The following CYTH1 variants were observed in gnomAD, a reference collection of about 807,000 sequenced individuals.
The protein encoded by CYTH1 is cytohesin 1.
In CYTH1, 18 loss-of-function variants were observed where a neutral mutation model predicts 61.8. The observed-to-expected ratio is 0.29, with a 90% CI of 0.20 to 0.43. The LOEUF (loss-of-function observed/expected upper bound fraction) is 0.43, where lower values mean the gene tolerates loss of function less well. CYTH1 is among the 20% of genes least tolerant of loss of function. The pLI is 1.00. For missense variants in CYTH1, 336 were observed against 510.5 expected, an observed-to-expected ratio of 0.66 and a Z score of 3.29; for synonymous variants, 174 against 184.3, an observed-to-expected ratio of 0.94 and a Z score of 0.45.
At chr17:78,744,501 G>A (rs1423568361) in intron 1 of CYTH1, among the ~76,000 whole-genome samples, 3 of 152,186 alleles carry the variant, frequency 2.0e-5, no homozygotes, top group Non-Finnish European at 4.4e-5. Flanking sequence ...ACAAAGACTT[G>A]TCCAGCCTCT....
intron 11 of CYTH1, among the ~76,000 whole-genome samples, chr17:78,690,256 G>A (rs1316412071): frequency 2.0e-5 from 3 of 151,362 alleles, no homozygotes; most frequent in East Asian, 1.9e-4. Context: ...TTAGCTGGGC[G>A]TGGCAGCAGC....
At chr17:78,738,579 C>T (rs2093330260) in intron 1 of CYTH1, among the ~76,000 whole-genome samples, 1 of 151,926 alleles carries the variant, frequency 6.6e-6, no homozygotes, top group Non-Finnish European at 1.5e-5. Flanking sequence ...ATCACATTCT[C>T]TTCTTTCTTG....
intron 1 of CYTH1, among the ~76,000 whole-genome samples, chr17:78,760,517 G>A (rs55740124): frequency 0.023 from 684 of 29,578 alleles, 62 homozygotes; most frequent in African/African-American, 0.078. Context: ...GTATATATAT[G>A]TATATATATA....
chr17:78,676,080 T>G lies in CYTH1; in HGVS notation c.*11A>C, dbSNP rs1402477547. On this transcript the variant is annotated 3_prime_UTR_variant, in exon 14 of 14. Transcript: ENST00000446868. Reference sequence around the variant, plus strand: ...CAAGGCCCCCGCAGACCAACGCCCTTGGCTGCACGCTCAGTGTCGCTTCGT... The same window carrying G: ...CAAGGCCCCCGCAGACCAACGCCCTGGGCTGCACGCTCAGTGTCGCTTCGT... 7 of 1,603,100 alleles carry G rather than the reference T, an allele frequency of 4.4e-6. No individual in the cohort carries two copies. Among genetic ancestry groups the G allele is most frequent in the Non-Finnish European group, 6.0e-6 (7 of 1,175,040 alleles).
At chr17:78,687,970 T>A (rs528774646) in intron 11 of CYTH1, among the ~76,000 whole-genome samples, 108 of 152,352 alleles carry the variant, frequency 7.1e-4, no homozygotes, top group Non-Finnish European at 9.1e-4. Context: ...GTGTGTGCTC[T>A]GCGTCCATCT....
At chr17:78,694,413 T>C (rs1360514790) in intron 10 of CYTH1, among the ~76,000 whole-genome samples, 1 of 152,130 alleles carries the variant, frequency 6.6e-6, no homozygotes, top group African/African-American at 2.4e-5. Flanking sequence ...TTAGATGGCA[T>C]GAATTAAGAG....
At chr17:78,774,956 C>A (rs560025353) in intron 1 of CYTH1, among the ~76,000 whole-genome samples, 14 of 152,368 alleles carry the variant, frequency 9.2e-5, no homozygotes, top group African/African-American at 3.4e-4. Context: ...CCAGGGCATT[C>A]GGCATGGGAA....
At chr17:78,688,453 T>A (rs1322936305) in intron 11 of CYTH1, among the ~76,000 whole-genome samples, 2 of 152,224 alleles carry the variant, frequency 1.3e-5, no homozygotes, top group East Asian at 3.8e-4. Context: ...TGCCTCAATA[T>A]CTGCTGCTGT....
intron 1 of CYTH1, among the ~76,000 whole-genome samples, chr17:78,750,218 ATAC>A (rs1327593870): frequency 6.6e-6 from 1 of 152,250 alleles, no homozygotes; most frequent in African/African-American, 2.4e-5. Context: ...AGAATAAACC[ATAC>A]TACTAATGAA....
intron 1 of CYTH1, among the ~76,000 whole-genome samples, chr17:78,771,884 C>T (rs189631116): frequency 9.6e-4 from 146 of 152,218 alleles, no homozygotes; most frequent in African/African-American, 3.4e-3. Context: ...TACAATGTCA[C>T]GCTATCCTGG....
intron 1 of CYTH1, among the ~76,000 whole-genome samples, chr17:78,771,431 C>A (rs1325697187): frequency 6.6e-6 from 1 of 151,898 alleles, no homozygotes. Context: ...CACAGCAAGA[C>A]TGTCTCAAAG....
intron 13 of CYTH1, 121 bp from the exon 14 acceptor site, chr17:78,676,290 C>T: frequency 1.1e-6 from 1 of 889,836 alleles, no homozygotes; most frequent in Non-Finnish European, 1.7e-6. Flanking sequence ...CCCACCATCA[C>T]TGCAAAGGCC....
intron 3 of CYTH1, 132 bp downstream of exon 3, chr17:78,708,065 G>A: frequency 3.6e-6 from 3 of 835,390 alleles, no homozygotes; most frequent in Non-Finnish European, 6.0e-6. Flanking sequence ...TTATGGGTGT[G>A]TATGTGCTTG....
At chr17:78,764,569 C>T (rs2093440945) in intron 1 of CYTH1, among the ~76,000 whole-genome samples, 1 of 152,168 alleles carries the variant, frequency 6.6e-6, no homozygotes, top group South Asian at 2.1e-4. Context: ...TGGTTATCAA[C>T]ATAAGCAGTT....
intron 5 of CYTH1, 39 bp from the exon 6 acceptor site, chr17:78,701,790 G>A: frequency 6.3e-7 from 1 of 1,597,322 alleles, no homozygotes; most frequent in Non-Finnish European, 8.6e-7. Flanking sequence ...GAAAGCAGGA[G>A]TCAGGCACCA....
At chr17:78,773,469 A>C (rs2093479468) in intron 1 of CYTH1, among the ~76,000 whole-genome samples, 1 of 152,000 alleles carries the variant, frequency 6.6e-6, no homozygotes, top group Non-Finnish European at 1.5e-5. Context: ...ATCTCTACTA[A>C]AAATACAAAA....
chr17:78,768,245 T>C (rs2093456871), intron 1 of CYTH1, among the ~76,000 whole-genome samples: 1 of 152,132 alleles, frequency 6.6e-6, no homozygotes, highest in African/African-American at 2.4e-5. Context: ...GCCTTCAAAG[T>C]TTCCCTTTCA....
rs369098247 is a variant in CYTH1 at position 78,762,923 on chromosome 17, A to C, written c.22+19279T>G. On this transcript the variant is annotated intron_variant, in intron 1 of 13. Transcript: ENST00000446868. ...GACCCATTCCAGACTTCTGGCCTCC[A>C]AACTGTAAGATAATAATGTATATTG... Among the ~76,000 whole-genome samples the C allele has an allele frequency of 3.9e-5, 6 of 152,218 alleles. No individual in the cohort carries two copies. In the South Asian group the frequency reaches 1.2e-3, roughly 32 times the overall value.
chr17:78,760,432 CATATATATATGTATATAT>C (rs1567879257), intron 1 of CYTH1, among the ~76,000 whole-genome samples: 1 of 41,148 alleles, frequency 2.4e-5, no homozygotes, highest in African/African-American at 1.1e-4. Context: ...TATACACATA[CATATATATATGTATATAT>C]ATATACATAC....
Sources: allele counts gnomAD v4.1 joint callset (sites outside exome capture counted in the v4.1 genomes callset), GRCh38; gene constraint gnomAD v4.1.1; transcripts MANE v1.5; gene names NCBI Gene and HGNC (gene_info 2026-07-23, HGNC 2026-07-21).